The following CNTN5 variants were observed in gnomAD, a reference collection of about 807,000 sequenced individuals.
CNTN5 encodes the protein contactin 5.
Under a neutral mutation model 129.1 loss-of-function variants are expected in CNTN5, and 77 were observed. The observed-to-expected ratio is 0.60, with a 90% confidence interval of 0.50 to 0.72. The LOEUF is 0.72. CNTN5 is among the 30% of genes least tolerant of loss of function. CNTN5 has a pLI of 0.00. For synonymous variants in CNTN5, 509 were observed against 465.6 expected, an observed-to-expected ratio of 1.09 and a Z score of -1.20; for missense variants, 1,478 against 1,328.8, an observed-to-expected ratio of 1.11 and a Z score of -1.75.
intron 2 of CNTN5, among the ~76,000 whole-genome samples, chr11:99,548,437 T>G (rs968458921): frequency 1.3e-5 from 2 of 152,232 alleles, no homozygotes; most frequent in Non-Finnish European, 2.9e-5. Flanking sequence ...TGGCTACAGC[T>G]AAGTGTTTGC....
intron 9 of CNTN5, among the ~76,000 whole-genome samples, chr11:100,007,915 C>A (rs1207237987): frequency 2.0e-5 from 3 of 151,968 alleles, no homozygotes; most frequent in Admixed American, 6.6e-5. Flanking sequence ...AGATGTGCTG[C>A]TCTTCCTTTC....
At chr11:99,235,621 T>C (rs951061195) in intron 1 of CNTN5, among the ~76,000 whole-genome samples, 2 of 152,184 alleles carry the variant, frequency 1.3e-5, no homozygotes, top group Non-Finnish European at 2.9e-5. Context: ...ATAGCAGTCA[T>C]CAATATAATA....
chr11:99,462,360 C>CTTTTTTTTT lies in CNTN5; in HGVS notation c.-70-93777_-70-93769dup, dbSNP rs72276833. On this transcript the variant is annotated intron_variant, in intron 2 of 24. Transcript: ENST00000524871. ...TTTTTTTCTTTTTTTCTTTTCTTTTCTTTTTTTTTTTTTTTTACATTTTTC... is the reference window on the plus strand; with the variant it reads ...TTTTTTTCTTTTTTTCTTTTCTTTTCTTTTTTTTTTTTTTTTTTTTTTTTTACATTTTTC... 1.4e-3 allele frequency among the ~76,000 whole-genome samples: 177 copies of CTTTTTTTTT among 125,222 alleles called. 1 individual carries two copies. Among genetic ancestry groups the CTTTTTTTTT allele is most frequent in the East Asian group, 3.1e-3 (14 of 4,482 alleles). The allele number at this position is 125,222 out of a possible 152,430, so 82.2% of individuals were successfully genotyped here.
At chr11:99,174,018 G>GACAGA in intron 1 of CNTN5, among the ~76,000 whole-genome samples, 1 of 151,976 alleles carries the variant, frequency 6.6e-6, no homozygotes, top group African/African-American at 2.4e-5. Context: ...GTGTGTGTGT[G>GACAGA]ATGGAGCCTC....
chr11:100,314,689 A>T (rs900775061), intron 21 of CNTN5, among the ~76,000 whole-genome samples: 1 of 152,126 alleles, frequency 6.6e-6, no homozygotes, highest in South Asian at 2.1e-4. Context: ...TTTGGAGAGA[A>T]GACGGCATCA....
chr11:99,700,441 A>C (rs1359642442), intron 3 of CNTN5, among the ~76,000 whole-genome samples: 1 of 151,418 alleles, frequency 6.6e-6, no homozygotes, highest in Non-Finnish European at 1.5e-5. Context: ...AATATTTAGG[A>C]AATTACATTT....
At chr11:99,033,607 T>C (rs1287305436) in intron 1 of CNTN5, among the ~76,000 whole-genome samples, 2 of 151,670 alleles carry the variant, frequency 1.3e-5, no homozygotes, top group South Asian at 2.1e-4. Context: ...GTGATTTTTG[T>C]ACATTGATTT....
chr11:99,510,384 C>T (rs969959786), intron 2 of CNTN5, among the ~76,000 whole-genome samples: 1 of 152,132 alleles, frequency 6.6e-6, no homozygotes, highest in African/African-American at 2.4e-5. Context: ...TAGAAACTAT[C>T]AAAGTGAAAC....
chr11:99,449,223 G>A (rs778780624), intron 2 of CNTN5, among the ~76,000 whole-genome samples: 3 of 152,162 alleles, frequency 2.0e-5, no homozygotes, highest in Non-Finnish European at 4.4e-5. Flanking sequence ...GTTTTCAGAA[G>A]TATGTTGAAC....
At chr11:99,360,769 G>T (rs947001831) in intron 2 of CNTN5, among the ~76,000 whole-genome samples, 14 of 152,154 alleles carry the variant, frequency 9.2e-5, no homozygotes, top group African/African-American at 3.4e-4. Flanking sequence ...TCAAAAGGTT[G>T]CTTGGCCACA....
At chr11:99,920,680 T>C (rs1052419529) in intron 7 of CNTN5, among the ~76,000 whole-genome samples, 1 of 152,176 alleles carries the variant, frequency 6.6e-6, no homozygotes, top group African/African-American at 2.4e-5. Context: ...TTCTGGTCCA[T>C]AGACAACTTC....
chr11:99,999,962 A>T (rs543819191), intron 8 of CNTN5, among the ~76,000 whole-genome samples: 2 of 150,312 alleles, frequency 1.3e-5, no homozygotes, highest in Non-Finnish European at 3.0e-5. Context: ...AACAATGAGA[A>T]CACATGGACA....
intron 1 of CNTN5, among the ~76,000 whole-genome samples, chr11:99,278,606 A>G (rs1863555851): frequency 6.6e-6 from 1 of 151,626 alleles, no homozygotes; most frequent in South Asian, 2.1e-4. Flanking sequence ...TAGGCACTTT[A>G]ATATATGCTT....
intron 7 of CNTN5, among the ~76,000 whole-genome samples, chr11:99,917,083 A>G (rs919953978): frequency 6.6e-6 from 1 of 151,940 alleles, no homozygotes; most frequent in Non-Finnish European, 1.5e-5. Flanking sequence ...TTTTCTTAAG[A>G]CTTCTTTATC....
intron 1 of CNTN5, among the ~76,000 whole-genome samples, chr11:99,101,983 A>C (rs909299582): frequency 7.9e-5 from 12 of 152,172 alleles, no homozygotes; most frequent in Non-Finnish European, 1.8e-4. Flanking sequence ...CTGCCAGGAC[A>C]TCCAGGCATT....
chr11:99,677,118 A>G (rs1736815945), intron 3 of CNTN5, among the ~76,000 whole-genome samples: 1 of 152,182 alleles, frequency 6.6e-6, no homozygotes, highest in Non-Finnish European at 1.5e-5. Flanking sequence ...ATGTTTTCTG[A>G]TGTTACACAA....
chr11:99,144,170 G>A (rs1448914337), intron 1 of CNTN5, among the ~76,000 whole-genome samples: 1 of 151,852 alleles, frequency 6.6e-6, no homozygotes, highest in East Asian at 1.9e-4. Context: ...TTCATTTCAG[G>A]GACTTTTAAA....
chr11:100,238,623 T>A (rs1949675646), intron 16 of CNTN5, among the ~76,000 whole-genome samples: 1 of 151,888 alleles, frequency 6.6e-6, no homozygotes, highest in African/African-American at 2.4e-5. Context: ...ATATTTAATT[T>A]TCTGGTTTAC....
intron 4 of CNTN5, among the ~76,000 whole-genome samples, chr11:99,843,329 G>A (rs1947577258): frequency 6.6e-6 from 1 of 152,150 alleles, no homozygotes; most frequent in Non-Finnish European, 1.5e-5. Flanking sequence ...TTAGAATACT[G>A]TGAAAACTTT....
Sources: allele counts gnomAD v4.1 joint callset (sites outside exome capture counted in the v4.1 genomes callset), GRCh38; gene constraint gnomAD v4.1.1; transcripts MANE v1.5; gene names NCBI Gene and HGNC (gene_info 2026-07-23, HGNC 2026-07-21).